The following MGAT5 variants were observed in gnomAD, a reference collection of about 807,000 sequenced individuals.
MGAT5 encodes alpha-1,6-mannosylglycoprotein 6-beta-N-acetylglucosaminyltransferase, also known as alpha-1,6-mannosylglycoprotein 6-beta-N-acetylglucosaminyltransferase A.
Under a neutral mutation model 94.3 loss-of-function variants are expected in MGAT5, and 30 were observed. That is an observed-to-expected ratio of 0.32 (90% CI 0.24 to 0.43). The LOEUF is 0.43. Among genes scored for constraint, MGAT5 ranks in the 20% least tolerant of loss-of-function variants. MGAT5 has a pLI of 1.00. For missense variants in MGAT5, 691 were observed against 905.5 expected, an observed-to-expected ratio of 0.76 and a Z score of 3.04; for synonymous variants, 310 against 322.9, an observed-to-expected ratio of 0.96 and a Z score of 0.43.
chr2:134,230,844 A>ACACACACC (rs1558999806), intron 1 of MGAT5, among the ~76,000 whole-genome samples: 1 of 152,076 alleles, frequency 6.6e-6, no homozygotes, highest in African/African-American at 2.4e-5. Flanking sequence ...ACACACACAC[A>ACACACACC]CACCCATCAA....
At chr2:134,414,598 T>C (rs61489143) in intron 12 of MGAT5, among the ~76,000 whole-genome samples, 2,887 of 149,884 alleles carry the variant, frequency 0.019, 71 homozygotes, top group Admixed American at 0.046. Flanking sequence ...CCTTACATAT[T>C]AAATAGATAT....
In MGAT5 at chr2:134,402,779, A is replaced by G. The variant is rs185391667; in HGVS notation, c.1381-209A>G. On this transcript the variant is annotated intron_variant, in intron 10 of 15. Coordinates refer to ENST00000281923, the MANE Select transcript of MGAT5 (RefSeq NM_002410.5). ...AATGTATTTCTTCTTAAAAAATTAT[A>G]CAATGGCTATATGACTGTTTATGTC... Among the ~76,000 whole-genome samples the G allele has an allele frequency of 4.0e-3, 602 of 152,364 alleles. 1 individual carries two copies. Among genetic ancestry groups the G allele is most frequent in the Admixed American group, 6.9e-3 (106 of 15,306 alleles).
intron 1 of MGAT5, among the ~76,000 whole-genome samples, chr2:134,129,950 G>A (rs1323946803): frequency 1.3e-5 from 2 of 152,202 alleles, no homozygotes; most frequent in African/African-American, 2.4e-5. Flanking sequence ...AGGGAGAGGC[G>A]CAGGCGGGAA....
intron 11 of MGAT5, among the ~76,000 whole-genome samples, chr2:134,406,183 A>T (rs528779809): frequency 4.7e-4 from 71 of 152,296 alleles, no homozygotes; most frequent in Non-Finnish European, 6.9e-4. Context: ...CACCTCCCTC[A>T]GTCTTCCCTG....
At chr2:134,384,719 A>T (rs1681863393) in intron 10 of MGAT5, among the ~76,000 whole-genome samples, 1 of 152,256 alleles carries the variant, frequency 6.6e-6, no homozygotes, top group African/African-American at 2.4e-5. Flanking sequence ...TCAAAGTGAT[A>T]GAATTTATGA....
At chr2:134,354,983 A>G (rs538795502) in intron 9 of MGAT5, among the ~76,000 whole-genome samples, 1 of 152,296 alleles carries the variant, frequency 6.6e-6, no homozygotes, top group East Asian at 1.9e-4. Flanking sequence ...CCTTTTGTCC[A>G]TGGGATCATT....
chr2:134,179,995 A>T (rs1338095621), intron 1 of MGAT5, among the ~76,000 whole-genome samples: 2 of 152,232 alleles, frequency 1.3e-5, no homozygotes, highest in Non-Finnish European at 2.9e-5. Context: ...AATGCATTGC[A>T]TGCTAAAAGA....
chr2:134,402,308 T>C (rs1404687647), intron 10 of MGAT5, among the ~76,000 whole-genome samples: 2 of 152,238 alleles, frequency 1.3e-5, no homozygotes, highest in African/African-American at 4.8e-5. Context: ...GTTGTGCTTC[T>C]AATAGTATAA....
chr2:134,397,803 G>A (rs1574011948), intron 10 of MGAT5, among the ~76,000 whole-genome samples: 1 of 152,184 alleles, frequency 6.6e-6, no homozygotes. Context: ...TGCAGGAGGG[G>A]GCTGGCAGAG....
At position 134,441,794 on chromosome 2, in the gene MGAT5, A is replaced by C; in HGVS notation, c.1906A>C (p.Ser636Arg). Reference sequence around the variant, plus strand: ...TGGGCAAGTGATGTGGCCACCCCTCAGCGCCCTACAGGTCAAGCTTGCTGA... The same window carrying C: ...TGGGCAAGTGATGTGGCCACCCCTCCGCGCCCTACAGGTCAAGCTTGCTGA... ...CHGQVMWPPL[S>R]ALQVKLAEPG... is the part of the protein sequence containing the mutation. Residue 636 changes from serine to arginine, a missense_variant, in exon 15 of 16, where the codon AGC becomes CGC. By Grantham distance (110) the Ser-to-Arg change is moderately radical (BLOSUM62 -1). Around this residue, in one of 4 missense-constraint regions of MGAT5, gnomAD observed 260 missense variants for 347.0 expected, o/e 0.75. Coordinates refer to ENST00000281923, the MANE Select transcript of MGAT5 (RefSeq NM_002410.5). The C allele has an allele frequency of 2.5e-6, 4 of 1,614,030 alleles. No homozygotes were observed. Among genetic ancestry groups the C allele is most frequent in the Non-Finnish European group, 3.4e-6 (4 of 1,179,924 alleles).
In MGAT5 at chr2:134,122,725, G is replaced by T. The variant is rs1184369647; in HGVS notation, c.-143+2434G>T. Among the ~76,000 whole-genome samples, 21 of 152,220 alleles carry T rather than the reference G, an allele frequency of 1.4e-4. 1 individual carries two copies. Among genetic ancestry groups the T allele is most frequent in the Admixed American group, 1.4e-3 (21 of 15,288 alleles). Reference sequence around the variant, plus strand: ...TTTCAGCCTGCCTTCTTCACTCTGGGACACTCGTGACTGGAGTCATTAGGA... The same window carrying T: ...TTTCAGCCTGCCTTCTTCACTCTGGTACACTCGTGACTGGAGTCATTAGGA... On this transcript the variant is annotated intron_variant, in intron 1 of 16. Coordinates refer to the MGAT5 transcript ENST00000409645.
At chr2:134,190,956 T>TA (rs1233660639) in intron 1 of MGAT5, among the ~76,000 whole-genome samples, 3 of 152,244 alleles carry the variant, frequency 2.0e-5, no homozygotes, top group South Asian at 4.1e-4. Flanking sequence ...GTCAGCTATT[T>TA]AAAAAAATTT....
At chr2:134,336,350 A>C (rs1688329144) in intron 5 of MGAT5, 62 bp downstream of exon 5, 1 of 1,362,106 alleles carries the variant, frequency 7.3e-7, no homozygotes, top group East Asian at 2.3e-5. Context: ...CAAGTGATAC[A>C]TGTGGAATCT....
chr2:134,367,002 G>A (rs1477381985), intron 10 of MGAT5, among the ~76,000 whole-genome samples: 2 of 152,212 alleles, frequency 1.3e-5, no homozygotes, highest in Non-Finnish European at 2.9e-5. Flanking sequence ...CCAAGAGCCA[G>A]GTAAAGCTGT....
chr2:134,200,385 C>T (rs1306712598), intron 1 of MGAT5, among the ~76,000 whole-genome samples: 8 of 152,222 alleles, frequency 5.3e-5, no homozygotes, highest in Admixed American at 1.3e-4. Context: ...AAATTTCTCT[C>T]ATGTCTGCAG....
chr2:134,362,161 T>C, intron 9 of MGAT5, 114 bp from the exon 10 acceptor site: 1 of 1,272,688 alleles, frequency 7.9e-7, no homozygotes, highest in Non-Finnish European at 1.1e-6. Flanking sequence ...AAGAACAGGG[T>C]AAGATGAAAA....
chr2:134,307,200 T>C (rs889400816), intron 2 of MGAT5, among the ~76,000 whole-genome samples: 3 of 152,126 alleles, frequency 2.0e-5, no homozygotes, highest in African/African-American at 7.2e-5. Context: ...CTGCTGTTAA[T>C]CAAAGAAGGG....
intron 1 of MGAT5, among the ~76,000 whole-genome samples, chr2:134,216,032 CATT>C (rs943431405): frequency 6.6e-6 from 1 of 152,234 alleles, no homozygotes; most frequent in African/African-American, 2.4e-5. Context: ...CTTAGAAAGG[CATT>C]ATTATTAACT....
intron 10 of MGAT5, among the ~76,000 whole-genome samples, chr2:134,395,407 T>C (rs1382451722): frequency 6.6e-6 from 1 of 152,330 alleles, no homozygotes; most frequent in East Asian, 1.9e-4. Context: ...CACTGACCAG[T>C]TCGGACTGAG....
Sources: gnomAD v4.1 joint callset for allele counts (sites outside exome capture counted in the v4.1 genomes callset) on GRCh38, gnomAD v4.1.1 for gene constraint, gnomAD v4.1.1 regional missense constraint, MANE v1.5 for transcripts, NCBI Gene and HGNC (gene_info 2026-07-23, HGNC 2026-07-21) for gene names.